Variants in GRM8 observed in about 807,000 individuals in gnomAD.
The protein encoded by GRM8 is glutamate metabotropic receptor 8.
Under a neutral mutation model 87.2 loss-of-function variants are expected in GRM8, and 47 were observed. The observed-to-expected ratio is 0.54, with a 90% confidence interval of 0.43 to 0.69. GRM8 has a LOEUF of 0.69. Among genes scored for constraint, GRM8 ranks in the 30% least tolerant of loss-of-function variants. GRM8 has a pLI of 0.00. For synonymous variants in GRM8, 396 were observed against 404.5 expected, an observed-to-expected ratio of 0.98 and a Z score of 0.25; for missense variants, 1,019 against 1,139.2, an observed-to-expected ratio of 0.89 and a Z score of 1.52.
At chr7:126,733,404 G>C (rs2151487704) in intron 7 of GRM8, among the ~76,000 whole-genome samples, 1 of 149,946 alleles carries the variant, frequency 6.7e-6, no homozygotes, top group East Asian at 2.0e-4. Flanking sequence ...CTATATGTTT[G>C]GAAATGAACA....
intron 7 of GRM8, among the ~76,000 whole-genome samples, chr7:126,710,758 TC>T (rs1811016524): frequency 6.6e-6 from 1 of 152,248 alleles, no homozygotes; most frequent in Non-Finnish European, 1.5e-5. Flanking sequence ...TTGGGCTCCT[TC>T]CATTAATCGT....
At chr7:127,198,186 A>T (rs1795393694) in intron 2 of GRM8, among the ~76,000 whole-genome samples, 1 of 152,200 alleles carries the variant, frequency 6.6e-6, no homozygotes, top group African/African-American at 2.4e-5. Context: ...GATATCCATC[A>T]CCTCATTTAT....
rs150249820 is a variant in GRM8, at chr7:126,749,680, A to C, written c.1357+20185T>G. On this transcript the variant is annotated intron_variant, in intron 7 of 10. Coordinates refer to ENST00000339582, the MANE Select transcript of GRM8 (RefSeq NM_000845.3). ...TTTTAAAAATAGACAAAAGATTTGA[A>C]GATACTTGATCAGAGAAGATATAGG... 4.3e-3 allele frequency among the ~76,000 whole-genome samples: 659 copies of C among 152,152 alleles called. 7 individuals are homozygous for C. The highest frequency in any genetic ancestry group is 0.033 in the South Asian group (161 of 4,824).
intron 2 of GRM8, among the ~76,000 whole-genome samples, chr7:127,190,408 G>T (rs1794962717): frequency 6.6e-6 from 1 of 152,106 alleles, no homozygotes; most frequent in Non-Finnish European, 1.5e-5. Context: ...GCCAGGTGTG[G>T]TGGCACACAC....
At chr7:126,613,345 T>C (rs1799108846) in intron 7 of GRM8, among the ~76,000 whole-genome samples, 2 of 152,218 alleles carry the variant, frequency 1.3e-5, no homozygotes, top group Non-Finnish European at 2.9e-5. Context: ...TAGTCATTAA[T>C]TTATCAAGGT....
intron 3 of GRM8, among the ~76,000 whole-genome samples, chr7:126,958,800 A>G (rs1809017438): frequency 6.6e-6 from 1 of 152,206 alleles, no homozygotes; most frequent in Non-Finnish European, 1.5e-5. Flanking sequence ...ATCCAAATCT[A>G]TTATTATATT....
At chr7:126,728,709 G>A (rs1055489522) in intron 7 of GRM8, among the ~76,000 whole-genome samples, 6 of 152,288 alleles carry the variant, frequency 3.9e-5, no homozygotes, top group Admixed American at 3.3e-4. Flanking sequence ...CAATACAGGA[G>A]CTAGATGAAC....
intron 3 of GRM8, among the ~76,000 whole-genome samples, chr7:127,049,015 G>C (rs968696318): frequency 3.9e-5 from 6 of 152,124 alleles, no homozygotes; most frequent in African/African-American, 1.4e-4. Context: ...CTAGGAACTA[G>C]AGGCTCGCCA....
At chr7:126,723,595 A>G (rs999621299) in intron 7 of GRM8, among the ~76,000 whole-genome samples, 2 of 152,092 alleles carry the variant, frequency 1.3e-5, no homozygotes, top group Non-Finnish European at 2.9e-5. Context: ...CAGGACACCC[A>G]CTGCCAAAGA....
At chr7:126,556,328 TCTC>T (rs1345127527) in intron 8 of GRM8, among the ~76,000 whole-genome samples, 3 of 136,012 alleles carry the variant, frequency 2.2e-5, no homozygotes, top group African/African-American at 8.2e-5. Flanking sequence ...GAGAAGCAGT[TCTC>T]CTCTTTAAAA....
chr7:127,226,414 T>C (rs1797327127), intron 2 of GRM8, among the ~76,000 whole-genome samples: 1 of 152,240 alleles, frequency 6.6e-6, no homozygotes, highest in Non-Finnish European at 1.5e-5. Context: ...GTTTGCCCTG[T>C]CTTTAGCCAA....
At chr7:127,184,392 GA>G (rs1234022287) in intron 2 of GRM8, among the ~76,000 whole-genome samples, 2 of 151,070 alleles carry the variant, frequency 1.3e-5, no homozygotes, top group Non-Finnish European at 3.0e-5. Context: ...CAGGCTAAGG[GA>G]AAAAAAAGCA....
intron 2 of GRM8, among the ~76,000 whole-genome samples, chr7:127,190,341 C>A (rs1336702118): frequency 6.6e-6 from 1 of 152,022 alleles, no homozygotes; most frequent in South Asian, 2.1e-4. Flanking sequence ...CTTTGGAGTT[C>A]GAGACCAGCC....
At chr7:126,759,723 T>C (rs1008262625) in intron 7 of GRM8, among the ~76,000 whole-genome samples, 2 of 152,188 alleles carry the variant, frequency 1.3e-5, no homozygotes, top group Non-Finnish European at 2.9e-5. Flanking sequence ...AACCCACTCA[T>C]CTCATCATTT....
At chr7:127,164,837 C>A (rs1793338843) in intron 2 of GRM8, among the ~76,000 whole-genome samples, 1 of 152,004 alleles carries the variant, frequency 6.6e-6, no homozygotes, top group Non-Finnish European at 1.5e-5. Flanking sequence ...CTCACCTCCA[C>A]CAATCCCTAG....
chr7:126,975,423 G>C (rs987410128), intron 3 of GRM8, among the ~76,000 whole-genome samples: 1 of 152,198 alleles, frequency 6.6e-6, no homozygotes, highest in Non-Finnish European at 1.5e-5. Flanking sequence ...ATGTTACCAG[G>C]ACGTGGCCCT....
At chr7:127,015,669 A>G (rs1191208885) in intron 3 of GRM8, among the ~76,000 whole-genome samples, 1 of 152,134 alleles carries the variant, frequency 6.6e-6, no homozygotes, top group Non-Finnish European at 1.5e-5. Context: ...TTCTACCTCC[A>G]TAAAATGATA....
chr7:126,483,459 CCCTCCCTCCCTCCCTT>C (rs1806960117), intron 9 of GRM8, among the ~76,000 whole-genome samples: 1 of 105,570 alleles, frequency 9.5e-6, no homozygotes, highest in African/African-American at 3.6e-5. Flanking sequence ...CTCCCTCCCT[CCCTCCCTCCCTCCCTT>C]CCTTCCTTCC....
Position 127,116,268 on chromosome 7 carries a change from T to A in GRM8, c.511-9556A>T, listed in dbSNP as rs560008862. 2.0e-5 allele frequency among the ~76,000 whole-genome samples: 3 copies of A among 152,360 alleles called. 1 individual carries two copies. The South Asian group carries it at 6.2e-4, about 32-fold the overall frequency. The stretch of plus-strand genomic sequence containing the variant: ...TTCAGTACTCTGTGATTCTAAAAAA[T>A]TATAATCAGTGCATATGCAAAATTA... On this transcript the variant is annotated intron_variant, in intron 2 of 10. Transcript: ENST00000339582.
Sources: allele counts gnomAD v4.1 joint callset (sites outside exome capture counted in the v4.1 genomes callset), GRCh38; gene constraint gnomAD v4.1.1; transcripts MANE v1.5; gene names NCBI Gene and HGNC (gene_info 2026-07-23, HGNC 2026-07-21).